Variants in XKR9 observed in about 807,000 individuals in gnomAD.
The protein encoded by XKR9 is XK-related protein 9.
In XKR9, 32 loss-of-function variants were observed where a neutral mutation model predicts 32.0. The ratio of observed to expected loss-of-function variants is 1.00; its 90% CI spans 0.76 to 1.34. XKR9 has a LOEUF of 1.34. Ranked by LOEUF, XKR9 falls within the 40% of genes most tolerant of loss-of-function variation. XKR9 has a pLI of 0.00. For synonymous variants in XKR9, 168 were observed against 143.4 expected, an observed-to-expected ratio of 1.17 and a Z score of -1.22; for missense variants, 546 against 429.7, an observed-to-expected ratio of 1.27 and a Z score of -2.39.
chr8:70,901,218 C>T, the XKR9 span, among the ~76,000 whole-genome samples: 1 of 152,122 alleles, frequency 6.6e-6, no homozygotes, highest in Non-Finnish European at 1.5e-5. Flanking sequence ...GTTCTAGATC[C>T]CTGAGGAATC....
intron 2 of XKR9, among the ~76,000 whole-genome samples, chr8:70,741,687 G>T (rs114483558): frequency 0.011 from 1,602 of 152,130 alleles, 36 homozygotes; most frequent in African/African-American, 0.037. Context: ...TCCACCTCTT[G>T]GCTATTGTGA....
chr8:70,733,791 T>G lies in XKR9; in HGVS notation c.494-5T>G. 2 of 1,542,992 alleles carry G rather than the reference T, an allele frequency of 1.3e-6. No individual in the cohort carries two copies. Among genetic ancestry groups the G allele is most frequent in the African/African-American group, 1.4e-5 (1 of 72,032 alleles). On this transcript the variant is annotated splice_polypyrimidine_tract_variant and splice_region_variant and intron_variant, in intron 4 of 4. Transcript: ENST00000408926. ...CAATATATTTTTTATTTTTTTGTTTTGTAGATGCGGCCATCATGGTCTCTT... is the reference window on the plus strand; with the variant it reads ...CAATATATTTTTTATTTTTTTGTTTGGTAGATGCGGCCATCATGGTCTCTT...
chr8:70,974,186 G>A, the XKR9 span, among the ~76,000 whole-genome samples: 6 of 150,738 alleles, frequency 4.0e-5, no homozygotes, highest in South Asian at 1.1e-3. Flanking sequence ...ATATTTTCCT[G>A]TTGGACAGGC....
Position 70,734,601 on chromosome 8 carries a change from T to C in XKR9, c.*177T>C. On this transcript the variant is annotated 3_prime_UTR_variant, in exon 5 of 5. Transcript: ENST00000408926. ...TTAAAATTAATTTCTCATTTGGTTTTGAAGATCTTGAGTACTCAGATATCT... is the reference window on the plus strand; with the variant it reads ...TTAAAATTAATTTCTCATTTGGTTTCGAAGATCTTGAGTACTCAGATATCT... 1 of 836,588 alleles carries C rather than the reference T, an allele frequency of 1.2e-6. No individual in the cohort carries two copies. Among genetic ancestry groups the C allele is most frequent in the Non-Finnish European group, 1.6e-6 (1 of 637,180 alleles). The allele number at this position is 836,588 out of a possible 1,614,324, so 51.8% of individuals were successfully genotyped here. A position where few individuals can be genotyped will look rare whatever the true frequency, so the allele number is the denominator to read the frequency against.
At chr8:71,009,221 A>C in the XKR9 span, among the ~76,000 whole-genome samples, 1 of 152,184 alleles carries the variant, frequency 6.6e-6, no homozygotes, top group Non-Finnish European at 1.5e-5. Context: ...TAGTTTAACC[A>C]ATGGCCCATG....
chr8:70,815,998 G>T, the XKR9 span, among the ~76,000 whole-genome samples: 1 of 151,956 alleles, frequency 6.6e-6, no homozygotes, highest in Non-Finnish European at 1.5e-5. Flanking sequence ...TATTTCTTTG[G>T]GTATATATCC....
At chr8:70,936,908 G>A in the XKR9 span, among the ~76,000 whole-genome samples, 2 of 151,980 alleles carry the variant, frequency 1.3e-5, no homozygotes, top group Non-Finnish European at 2.9e-5. Flanking sequence ...TTTAAAAAAT[G>A]TACTGTCTTA....
chr8:70,813,799 G>A, the XKR9 span, among the ~76,000 whole-genome samples: 1 of 152,214 alleles, frequency 6.6e-6, no homozygotes, highest in Non-Finnish European at 1.5e-5. Flanking sequence ...AACAACAGGT[G>A]CTGGAGAGGA....
At chr8:71,049,164 A>G in the XKR9 span, among the ~76,000 whole-genome samples, 4 of 152,170 alleles carry the variant, frequency 2.6e-5, no homozygotes, top group Non-Finnish European at 4.4e-5. Flanking sequence ...AAAGATCTTC[A>G]TTTCCTGGGG....
rs1818735954 is a variant in XKR9 at position 70,672,159 on chromosome 8, G to C, written c.-361+2621G>C. On this transcript the variant is annotated intron_variant, in intron 1 of 4. Coordinates refer to ENST00000408926, the MANE Select transcript of XKR9 (RefSeq NM_001011720.2). ...GCCATACTGCCCAAGGTAATTTACA[G>C]ATTCAATGCCATCCCCATCAAGCTA... Among the ~76,000 whole-genome samples, 2 of 61,254 alleles carry C rather than the reference G, an allele frequency of 3.3e-5. 1 individual carries two copies. Among genetic ancestry groups the C allele is most frequent in the Non-Finnish European group, 8.9e-5 (2 of 22,400 alleles). 40.2% of individuals were successfully genotyped at this position (61,254 alleles called of 152,430 possible).
chr8:70,907,166 AT>A, the XKR9 span, among the ~76,000 whole-genome samples: 1 of 152,140 alleles, frequency 6.6e-6, no homozygotes, highest in Non-Finnish European at 1.5e-5. Context: ...TTCTCATAAA[AT>A]TTATGTTTTG....
At chr8:71,013,749 C>A in the XKR9 span, among the ~76,000 whole-genome samples, 1 of 152,040 alleles carries the variant, frequency 6.6e-6, no homozygotes, top group African/African-American at 2.4e-5. Context: ...GTTCAGAGCC[C>A]CTTGTGTGTT....
At chr8:70,710,386 G>T (rs939189335) in intron 4 of XKR9, among the ~76,000 whole-genome samples, 2 of 152,136 alleles carry the variant, frequency 1.3e-5, no homozygotes, top group African/African-American at 2.4e-5. Context: ...CCTTGGCAAA[G>T]ATCTCATGAC....
chr8:70,812,349 A>T, the XKR9 span, among the ~76,000 whole-genome samples: 4 of 152,220 alleles, frequency 2.6e-5, no homozygotes, highest in Admixed American at 2.0e-4. Context: ...TGAATGGGCA[A>T]AAACTGGAAG....
chr8:70,992,868 T>C, the XKR9 span, among the ~76,000 whole-genome samples: 8 of 152,184 alleles, frequency 5.3e-5, no homozygotes, highest in Non-Finnish European at 1.2e-4. Flanking sequence ...TCCTTCCAGC[T>C]CTTGAGACAC....
rs746718072 is a variant in XKR9, at chr8:70,734,336, C to G, written c.1034C>G (p.Pro345Arg). Residue 345 changes from proline (P) to arginine (R), a missense_variant, in exon 5 of 5, where the codon CCA (proline) becomes CGA (arginine). Transcript: ENST00000408926. ...ATTGTTTATTATGGGAGTTTTCACC[C>G]AAACAGAAGTGCAGAAACAAAATGT... ...FLIVYYGSFHPNRSAETKCDE... is the reference protein window; with the variant it reads ...FLIVYYGSFHRNRSAETKCDE... 6.8e-6 allele frequency: 11 copies of G among 1,611,740 alleles called. No homozygotes were observed. In the East Asian group the frequency reaches 1.8e-4, roughly 26 times the overall value.
intron 3 of XKR9, among the ~76,000 whole-genome samples, chr8:70,684,287 T>A: frequency 6.6e-6 from 1 of 152,216 alleles, no homozygotes. Context: ...GCCAATCAAA[T>A]GTAAGTTACA....
chr8:70,680,996 G>C lies in XKR9; in HGVS notation c.-63G>C. 1 of 1,495,796 alleles carries C rather than the reference G, an allele frequency of 6.7e-7. No individual in the cohort carries two copies. Among genetic ancestry groups the C allele is most frequent in the Non-Finnish European group, 9.0e-7 (1 of 1,107,896 alleles). 92.7% of individuals were successfully genotyped at this position (1,495,796 alleles called of 1,614,324 possible). ...CCAAAGGGTATACTAATATTTGTTTGGCTTTTTTTCCCTTTTTGTGAGGGA... is the reference window on the plus strand; with the variant it reads ...CCAAAGGGTATACTAATATTTGTTTCGCTTTTTTTCCCTTTTTGTGAGGGA... On this transcript the variant is annotated 5_prime_UTR_variant, in exon 3 of 5. Coordinates refer to ENST00000408926, the MANE Select transcript of XKR9 (RefSeq NM_001011720.2).
the XKR9 span, among the ~76,000 whole-genome samples, chr8:70,857,733 C>T: frequency 5.3e-5 from 8 of 152,172 alleles, no homozygotes; most frequent in African/African-American, 1.7e-4. Flanking sequence ...ACTGGGAAAC[C>T]GAATCCAGCA....
Sources: allele counts gnomAD v4.1 joint callset (sites outside exome capture counted in the v4.1 genomes callset), GRCh38; gene constraint gnomAD v4.1.1; transcripts MANE v1.5; gene names NCBI Gene and HGNC (gene_info 2026-07-23, HGNC 2026-07-21).